DAO: variants seen among roughly 807,000 people sequenced by gnomAD.
The protein encoded by DAO is D-amino acid oxidase, also known as D-amino-acid oxidase.
A neutral mutation model predicts 50.1 loss-of-function variants in DAO; 51 were observed. The observed-to-expected ratio is 1.02, with a 90% CI of 0.81 to 1.29. The LOEUF is 1.29. DAO is among the 50% of genes most tolerant of loss of function. The pLI is 0.00. For synonymous variants in DAO, 160 were observed against 166.2 expected, an observed-to-expected ratio of 0.96 and a Z score of 0.29; for missense variants, 436 against 439.4, an observed-to-expected ratio of 0.99 and a Z score of 0.07.
chr12:108,889,673 T>G (rs2039469597), intron 4 of DAO, 128 bp downstream of exon 4: 1 of 741,390 alleles, frequency 1.3e-6, no homozygotes, highest in Admixed American at 2.0e-5. Flanking sequence ...GGTCTCCTGG[T>G]CCTTGGTCCA....
At chr12:108,892,614 G>A (rs1381598469) in intron 5 of DAO, among the ~76,000 whole-genome samples, 8 of 152,166 alleles carry the variant, frequency 5.3e-5, no homozygotes, top group Admixed American at 5.2e-4. Flanking sequence ...TCTCTACTCT[G>A]AATCTCATCG....
chr12:108,883,579 C>T, intron 1 of DAO: 1 of 455,718 alleles, frequency 2.2e-6, no homozygotes. Context: ...TTTTGCTAAA[C>T]TTCTTATTTA....
intron 1 of DAO, 99 bp from the exon 2 acceptor site, chr12:108,884,899 G>A (rs945067399): frequency 3.6e-6 from 4 of 1,116,198 alleles, no homozygotes; most frequent in Admixed American, 3.4e-5. Flanking sequence ...GCTTGGTGGT[G>A]TCTGGCACCT....
At chr12:108,894,466 T>A in intron 7 of DAO, 99 bp downstream of exon 7, 1 of 1,013,430 alleles carries the variant, frequency 9.9e-7, no homozygotes, top group Non-Finnish European at 1.5e-6. Context: ...GGAACATCTG[T>A]TAGAGGAACC....
At chr12:108,897,856 A>G (rs1360302763) in intron 8 of DAO, among the ~76,000 whole-genome samples, 1 of 151,682 alleles carries the variant, frequency 6.6e-6, no homozygotes, top group African/African-American at 2.4e-5. Flanking sequence ...CTGAGATGGG[A>G]GGATTGCTTG....
chr12:108,896,649 C>T (rs1169138520), intron 7 of DAO, among the ~76,000 whole-genome samples: 1 of 152,046 alleles, frequency 6.6e-6, no homozygotes, highest in Non-Finnish European at 1.5e-5. Context: ...GTGAACTCAG[C>T]TCCAAGGTTT....
rs146387390 is a variant in DAO, at chr12:108,880,172, C to G, written c.-62C>G. The G allele has an allele frequency of 2.2e-6, 1 of 456,150 alleles. No homozygotes were observed. The highest frequency in any genetic ancestry group is 4.4e-6 in the Non-Finnish European group (1 of 226,718). 28.3% of individuals were successfully genotyped at this position (456,150 alleles called of 1,614,324 possible). A position where few individuals can be genotyped will look rare whatever the true frequency, so the allele number is the denominator to read the frequency against. On this transcript the variant is annotated 5_prime_UTR_variant, in exon 1 of 11. In the 5' UTR this introduces an upstream ATG that the reference lacks. Coordinates refer to ENST00000228476, the MANE Select transcript of DAO (RefSeq NM_001917.5). Reference sequence around the variant, plus strand: ...GGAGCTTCCCCTCAGGAAATAGCATCCTGTGTCCCCGCACTGCAGTTGTCT... The same window carrying G: ...GGAGCTTCCCCTCAGGAAATAGCATGCTGTGTCCCCGCACTGCAGTTGTCT...
intron 7 of DAO, among the ~76,000 whole-genome samples, chr12:108,895,232 T>A (rs925823515): frequency 6.6e-6 from 1 of 152,144 alleles, no homozygotes; most frequent in Non-Finnish European, 1.5e-5. Flanking sequence ...CCTCTTGCTG[T>A]GTGTGTGCAT....
intron 8 of DAO, among the ~76,000 whole-genome samples, chr12:108,898,314 A>G (rs2039583882): frequency 6.6e-6 from 1 of 152,156 alleles, no homozygotes; most frequent in African/African-American, 2.4e-5. Flanking sequence ...AGCAGAGCTG[A>G]CAGTCTCAAA....
chr12:108,896,627 C>T (rs958881556), intron 7 of DAO, among the ~76,000 whole-genome samples: 1 of 151,924 alleles, frequency 6.6e-6, no homozygotes, highest in African/African-American at 2.4e-5. Flanking sequence ...GACCTCCCTT[C>T]CCCCCGCAGC....
chr12:108,900,076 T>A (rs1007826372), intron 10 of DAO: 6 of 370,550 alleles, frequency 1.6e-5, no homozygotes, highest in Non-Finnish European at 3.1e-5. Flanking sequence ...CAGTTCTCCC[T>A]ATGCTTCGGA....
chr12:108,893,108 C>A, intron 6 of DAO, 72 bp downstream of exon 6: 1 of 1,405,996 alleles, frequency 7.1e-7, no homozygotes, highest in Non-Finnish European at 1.0e-6. Flanking sequence ...GCTGCTGAGT[C>A]GGGGGCTCCC....
chr12:108,880,802 G>A (rs2039369336), intron 1 of DAO, among the ~76,000 whole-genome samples: 1 of 151,858 alleles, frequency 6.6e-6, no homozygotes, highest in African/African-American at 2.4e-5. Flanking sequence ...TGCCTTCTAG[G>A]GGACAAGGGA....
intron 7 of DAO, among the ~76,000 whole-genome samples, chr12:108,895,706 GA>G (rs1006200412): frequency 7.6e-5 from 11 of 145,364 alleles, no homozygotes; most frequent in Non-Finnish European, 1.4e-4. Context: ...GCATGTGTGT[GA>G]GGGGTATATG....
At chr12:108,896,692 T>C (rs1349063594) in intron 7 of DAO, among the ~76,000 whole-genome samples, 1 of 152,152 alleles carries the variant, frequency 6.6e-6, no homozygotes, top group Non-Finnish European at 1.5e-5. Context: ...AGGGGGTCTG[T>C]TCAGTCGGTT....
At chr12:108,883,890 G>A in intron 1 of DAO, 1 of 276,414 alleles carries the variant, frequency 3.6e-6, no homozygotes, top group Non-Finnish European at 7.4e-6. Context: ...GCCATATTAA[G>A]AATGTCCCGC....
In DAO at chr12:108,885,154, G is replaced by A. The variant is rs774929059; in HGVS notation, c.148G>A (p.Gly50Ser). The A allele has an allele frequency of 8.7e-6, 14 of 1,613,266 alleles. No individual in the cohort carries two copies. The Admixed American group carries it at 1.2e-4, about 13-fold the overall frequency. The change falls in exon 2 of 11, where the codon GGC becomes AGC. Residue 50 changes from glycine to serine, a missense_variant. Coordinates refer to ENST00000228476, the MANE Select transcript of DAO (RefSeq NM_001917.5). Reference protein sequence around the residue: ...TPLTTTDVAAGLWQPYLSDPN... With the variant: ...TPLTTTDVAASLWQPYLSDPN... ...ACTCACCACCACCGACGTGGCTGCC[G>A]GCCTCTGGCAGCCCTACCTTTCTGA... is the stretch of plus-strand genomic sequence containing the variant.
Position 108,898,699 on chromosome 12 carries a change from G to A in DAO, c.716G>A (p.Gly239Glu), listed in dbSNP as rs2039588778. ...IIPGTQTVTLGGIFQLGNWSE... is the reference protein window; with the variant it reads ...IIPGTQTVTLEGIFQLGNWSE... ...TCTAGGACCCAGACAGTTACTCTTG[G>A]AGGCATCTTCCAGTTGGGAAACTGG... Residue 239 changes from glycine to glutamate, a missense_variant, in exon 9 of 11, where the codon GGA becomes GAA. Gly to Glu is a moderately conservative substitution (Grantham distance 98). Transcript: ENST00000228476. The A allele has an allele frequency of 6.2e-7, 1 of 1,613,162 alleles. No homozygotes were observed. Among genetic ancestry groups the A allele is most frequent in the Non-Finnish European group, 8.5e-7 (1 of 1,179,218 alleles).
intron 1 of DAO, among the ~76,000 whole-genome samples, chr12:108,882,214 T>C (rs971148133): frequency 6.6e-6 from 1 of 152,124 alleles, no homozygotes. Context: ...TCAGCTCTCA[T>C]AAAAGTTTAT....
Sources: allele counts gnomAD v4.1 joint callset (sites outside exome capture counted in the v4.1 genomes callset), GRCh38; gene constraint gnomAD v4.1.1; transcripts MANE v1.5; gene names NCBI Gene and HGNC (gene_info 2026-07-23, HGNC 2026-07-21).